The following CDH18 variants were observed in gnomAD, a reference collection of about 807,000 sequenced individuals.
CDH18 encodes the protein cadherin 18.
In CDH18, 31 loss-of-function variants were observed where a neutral mutation model predicts 67.9. The observed-to-expected ratio is 0.46, with a 90% CI of 0.34 to 0.62. CDH18 has a LOEUF of 0.62. CDH18 is among the 20% of genes least tolerant of loss of function. CDH18 has a pLI of 0.01. For missense variants in CDH18, 890 were observed against 975.5 expected (o/e 0.91, Z 1.17); for synonymous variants, 362 against 347.2 (o/e 1.04, Z -0.48).
chr5:19,706,233 C>A (rs1014717275), intron 5 of CDH18, among the ~76,000 whole-genome samples: 1 of 152,160 alleles, frequency 6.6e-6, no homozygotes, highest in African/African-American at 2.4e-5. Context: ...GTAGAATGTA[C>A]CCTTTTACAT....
At chr5:20,135,020 T>C (rs946703594) in intron 2 of CDH18, among the ~76,000 whole-genome samples, 1 of 152,116 alleles carries the variant, frequency 6.6e-6, no homozygotes, top group Non-Finnish European at 1.5e-5. Flanking sequence ...GATGACTGTA[T>C]ATTTATTTTT....
chr5:20,273,738 T>C (rs185954420), intron 1 of CDH18, among the ~76,000 whole-genome samples: 31 of 152,228 alleles, frequency 2.0e-4, no homozygotes, highest in African/African-American at 6.5e-4. Context: ...AAGCTATCAG[T>C]AAATAGATGA....
chr5:20,035,842 T>C (rs1182970944), intron 2 of CDH18, among the ~76,000 whole-genome samples: 1 of 152,052 alleles, frequency 6.6e-6, no homozygotes, highest in Non-Finnish European at 1.5e-5. Context: ...GTAGTGCCCT[T>C]TCTAATTTCT....
At chr5:19,637,644 C>G (rs1189625853) in intron 5 of CDH18, among the ~76,000 whole-genome samples, 4 of 152,186 alleles carry the variant, frequency 2.6e-5, no homozygotes, top group African/African-American at 9.7e-5. Flanking sequence ...ATCACCCTTA[C>G]TGTCTCACTG....
At chr5:20,129,917 A>G (rs1317673854) in intron 2 of CDH18, among the ~76,000 whole-genome samples, 1 of 151,922 alleles carries the variant, frequency 6.6e-6, no homozygotes. Flanking sequence ...ATTGGGCACT[A>G]CATAACAAAT....
intron 2 of CDH18, among the ~76,000 whole-genome samples, chr5:20,122,057 G>T (rs754640295): frequency 2.0e-4 from 30 of 152,256 alleles, no homozygotes; most frequent in Admixed American, 3.9e-4. Flanking sequence ...AGTATGTAGA[G>T]AAATAAATTG....
rs866888051 is a variant in CDH18, at chr5:20,059,493, C to T, written c.-517-67479G>A. ...GCTATAAATTTCCCTCTAAACACTG[C>T]TTTAGTTGTCTCAGAGATTCTGTTA... On this transcript the variant is annotated intron_variant, in intron 2 of 14. Coordinates refer to the CDH18 transcript ENST00000507958. 9.1e-4 allele frequency among the ~76,000 whole-genome samples: 138 copies of T among 152,294 alleles called. 1 individual carries two copies. The highest frequency in any genetic ancestry group is 6.8e-3 in the Middle Eastern group (2 of 294).
At chr5:19,777,385 A>T (rs543039956) in intron 3 of CDH18, among the ~76,000 whole-genome samples, 1 of 152,230 alleles carries the variant, frequency 6.6e-6, no homozygotes, top group Non-Finnish European at 1.5e-5. Context: ...TAACAACGAC[A>T]CAAGATAACA....
At position 20,172,204 on chromosome 5, in the gene CDH18, ATATATATATATATATATATG is replaced by A. The variant is rs1736804493; in HGVS notation, c.-518+83220_-518+83239del. ...TAGCATTGTGTGTATATATATATATATATATATATATATATATATGTATATATATATATATGTATATATAT... is the reference window on the plus strand; with the variant it reads ...TAGCATTGTGTGTATATATATATATATATATATATATATATGTATATATAT... On this transcript the variant is annotated intron_variant, in intron 2 of 14. Coordinates refer to the CDH18 transcript ENST00000507958. Among the ~76,000 whole-genome samples, 3 of 60,298 alleles carry A rather than the reference ATATATATATATATATATATG, an allele frequency of 5.0e-5. 1 individual carries two copies. The highest frequency in any genetic ancestry group is 1.1e-3 in the South Asian group (2 of 1,766). 39.6% of individuals were successfully genotyped at this position (60,298 alleles called of 152,430 possible). A position where few individuals can be genotyped will look rare whatever the true frequency, so the allele number is the denominator to read the frequency against.
intron 2 of CDH18, among the ~76,000 whole-genome samples, chr5:19,916,699 A>G (rs1328109209): frequency 6.6e-6 from 1 of 152,194 alleles, no homozygotes; most frequent in Admixed American, 6.6e-5. Context: ...TTTAAATTGG[A>G]ATTTGACATT....
chr5:20,563,172 T>C lies in CDH18; in HGVS notation c.-580+12290A>G, dbSNP rs549254406. Among the ~76,000 whole-genome samples the C allele has an allele frequency of 3.9e-5, 6 of 152,166 alleles. No individual in the cohort carries two copies. In the East Asian group the frequency reaches 9.6e-4, roughly 24 times the overall value. The stretch of plus-strand genomic sequence containing the variant: ...GTCTCTGCAACAAATAATATATTTT[T>C]ATTTTTCAATTACTTCACAGTTGAA... On this transcript the variant is annotated intron_variant, in intron 1 of 14. Transcript: ENST00000507958.
chr5:19,732,169 T>C (rs1383713441), intron 4 of CDH18, among the ~76,000 whole-genome samples: 2 of 151,080 alleles, frequency 1.3e-5, no homozygotes, highest in Non-Finnish European at 2.9e-5. Flanking sequence ...AAAAAAATTA[T>C]AGCCTCATAC....
intron 2 of CDH18, among the ~76,000 whole-genome samples, chr5:20,178,819 C>G (rs1737452711): frequency 6.6e-6 from 1 of 152,046 alleles, no homozygotes; most frequent in African/African-American, 2.4e-5. Context: ...ACCATGGAGG[C>G]ACTGCAGAGA....
intron 1 of CDH18, among the ~76,000 whole-genome samples, chr5:20,352,518 C>T (rs1200577784): frequency 6.6e-6 from 1 of 151,474 alleles, no homozygotes; most frequent in Non-Finnish European, 1.5e-5. Context: ...GGGTGGCTCA[C>T]GCCTGTAATC....
intron 4 of CDH18, among the ~76,000 whole-genome samples, chr5:19,737,727 C>T (rs1055017645): frequency 6.6e-6 from 1 of 152,148 alleles, no homozygotes; most frequent in African/African-American, 2.4e-5. Context: ...CAGTATATGT[C>T]CTAATACAGT....
chr5:19,961,119 T>C (rs1048982215), intron 2 of CDH18, among the ~76,000 whole-genome samples: 1 of 141,904 alleles, frequency 7.0e-6, no homozygotes, highest in Admixed American at 6.8e-5. Flanking sequence ...TTTTTTTTTT[T>C]TGAGATGGAG....
At chr5:19,661,972 G>A (rs1757242757) in intron 5 of CDH18, among the ~76,000 whole-genome samples, 1 of 152,024 alleles carries the variant, frequency 6.6e-6, no homozygotes. Flanking sequence ...CACCTCAGGA[G>A]AACAAAATAA....
At chr5:20,087,346 T>C (rs1321527154) in intron 2 of CDH18, among the ~76,000 whole-genome samples, 1 of 152,116 alleles carries the variant, frequency 6.6e-6, no homozygotes, top group Non-Finnish European at 1.5e-5. Flanking sequence ...AAAAAAAGAC[T>C]TACCATATTA....
intron 3 of CDH18, among the ~76,000 whole-genome samples, chr5:19,793,019 T>C (rs564846099): frequency 6.6e-6 from 1 of 152,262 alleles, no homozygotes; most frequent in East Asian, 1.9e-4. Context: ...AATTTGATGA[T>C]ATTAGAGTCT....
Sources: allele counts gnomAD v4.1 joint callset (sites outside exome capture counted in the v4.1 genomes callset), GRCh38; gene constraint gnomAD v4.1.1; transcripts MANE v1.5; gene names NCBI Gene and HGNC (gene_info 2026-07-23, HGNC 2026-07-21).